CRACR2A: variants seen among roughly 807,000 people sequenced by gnomAD.
CRACR2A encodes calcium release activated channel regulator 2A.
CRACR2A carries 79 observed loss-of-function variants against 90.5 expected under a neutral mutation model. The ratio of observed to expected loss-of-function variants is 0.87; its 90% CI spans 0.73 to 1.05. CRACR2A has a LOEUF of 1.05. Ranked by LOEUF, CRACR2A falls within the 50% of genes least tolerant of loss-of-function variation. CRACR2A has a pLI of 0.00. For missense variants in CRACR2A, 823 were observed against 897.2 expected (o/e 0.92, Z 1.06); for synonymous variants, 338 against 356.7 (o/e 0.95, Z 0.59).
chr12:3,713,390 A>T, intron 2 of CRACR2A, 73 bp from the exon 3 acceptor site: 3 of 835,912 alleles, frequency 3.6e-6, no homozygotes, highest in Non-Finnish European at 4.3e-6. Flanking sequence ...CTTTATAGCA[A>T]TTTTGGAAAA....
chr12:3,701,454 A>T (rs1199668298), intron 3 of CRACR2A, among the ~76,000 whole-genome samples: 2 of 152,194 alleles, frequency 1.3e-5, no homozygotes, highest in Non-Finnish European at 2.9e-5. Flanking sequence ...GAGACAAGAC[A>T]CAAATTACAA....
At chr12:3,671,390 A>C (rs539988889) in intron 7 of CRACR2A, among the ~76,000 whole-genome samples, 2 of 152,262 alleles carry the variant, frequency 1.3e-5, no homozygotes, top group South Asian at 4.2e-4. Flanking sequence ...TAGATAGGAA[A>C]ACCAAGGCTC....
At chr12:3,677,828 G>C (rs1443676690) in intron 6 of CRACR2A, among the ~76,000 whole-genome samples, 1 of 152,274 alleles carries the variant, frequency 6.6e-6, no homozygotes, top group East Asian at 1.9e-4. Flanking sequence ...CCCCCACCAG[G>C]ATCTTCCCCA....
intron 15 of CRACR2A, among the ~76,000 whole-genome samples, chr12:3,627,958 C>T (rs1944297107): frequency 1.3e-5 from 2 of 152,100 alleles, no homozygotes; most frequent in African/African-American, 2.4e-5. Flanking sequence ...CCACTCTGAA[C>T]TGTGGGCTCT....
At chr12:3,647,558 C>A (rs953113423) in intron 11 of CRACR2A, among the ~76,000 whole-genome samples, 1 of 152,112 alleles carries the variant, frequency 6.6e-6, no homozygotes, top group South Asian at 2.1e-4. Flanking sequence ...GAATCAAGAC[C>A]TTCGCGCAAA....
intron 15 of CRACR2A, among the ~76,000 whole-genome samples, chr12:3,629,259 G>A (rs1944335986): frequency 6.6e-6 from 1 of 152,044 alleles, no homozygotes; most frequent in Non-Finnish European, 1.5e-5. Context: ...TGCAATCCCA[G>A]CTCTGAGGCT....
intron 3 of CRACR2A, among the ~76,000 whole-genome samples, chr12:3,705,790 G>C (rs1297856355): frequency 3.3e-5 from 5 of 152,220 alleles, no homozygotes; most frequent in Non-Finnish European, 1.5e-5. Context: ...ACTGGATAAT[G>C]TCGGAATTGA....
At chr12:3,745,782 A>AAAT in intron 1 of CRACR2A, among the ~76,000 whole-genome samples, 2 of 14,316 alleles carry the variant, frequency 1.4e-4, no homozygotes, top group African/African-American at 1.8e-4. Flanking sequence ...TCGTCTCAAA[A>AAAT]AATAAAATAA....
chr12:3,694,231 A>G (rs1399259806), intron 4 of CRACR2A, among the ~76,000 whole-genome samples: 1 of 152,150 alleles, frequency 6.6e-6, no homozygotes, highest in Admixed American at 6.5e-5. Context: ...CTAGTTGGCC[A>G]TGTTGGCCAG....
chr12:3,735,773 G>A (rs948470909), intron 1 of CRACR2A, among the ~76,000 whole-genome samples: 2 of 152,178 alleles, frequency 1.3e-5, no homozygotes, highest in Admixed American at 6.5e-5. Context: ...GCAGCCCCTG[G>A]AAACTTGTTA....
intron 14 of CRACR2A, among the ~76,000 whole-genome samples, 169 bp downstream of exon 14, chr12:3,637,955 T>C (rs1454086223): frequency 1.3e-5 from 2 of 152,196 alleles, no homozygotes; most frequent in Admixed American, 6.5e-5. Flanking sequence ...TCTCCCCGCA[T>C]GACACTCAGC....
chr12:3,684,647 A>T (rs1462665614), intron 4 of CRACR2A, among the ~76,000 whole-genome samples: 1 of 152,240 alleles, frequency 6.6e-6, no homozygotes, highest in Non-Finnish European at 1.5e-5. Context: ...GTGAGTCAGC[A>T]AGTTTAGAGT....
chr12:3,666,364 T>TGTGTGTGTGTGTGTGC (rs765943563), intron 7 of CRACR2A, among the ~76,000 whole-genome samples: 5 of 149,498 alleles, frequency 3.3e-5, no homozygotes, highest in African/African-American at 1.0e-4. Context: ...TGCGTGCGTG[T>TGTGTGTGTGTGTGTGC]GCGCGTGCGC....
intron 12 of CRACR2A, 80 bp from the exon 13 acceptor site, chr12:3,641,918 T>C: frequency 8.0e-7 from 1 of 1,245,690 alleles, no homozygotes; most frequent in African/African-American, 1.5e-5. Context: ...GGTTCCCACC[T>C]CATAGACTAG....
intron 3 of CRACR2A, among the ~76,000 whole-genome samples, chr12:3,703,084 T>C (rs780156301): frequency 2.6e-5 from 4 of 152,218 alleles, no homozygotes; most frequent in Non-Finnish European, 4.4e-5. Flanking sequence ...GAATATCCAT[T>C]TGCAAAAACA....
chr12:3,740,428 C>T (rs1002005187), intron 1 of CRACR2A, among the ~76,000 whole-genome samples: 11 of 152,186 alleles, frequency 7.2e-5, no homozygotes, highest in East Asian at 1.9e-4. Flanking sequence ...CTAAGTTCTA[C>T]GTCCTGGGGT....
intron 17 of CRACR2A, 92 bp from the exon 18 acceptor site, chr12:3,619,464 G>T (rs1356363588): frequency 2.1e-6 from 2 of 956,962 alleles, no homozygotes; most frequent in East Asian, 2.6e-5. Context: ...ATGGGACCTC[G>T]CTTGAGAATC....
chr12:3,738,019 C>T (rs924128668), intron 1 of CRACR2A, among the ~76,000 whole-genome samples: 2 of 152,226 alleles, frequency 1.3e-5, no homozygotes, highest in Non-Finnish European at 2.9e-5. Context: ...AGCCCCATGG[C>T]GAGTGGCTTC....
At chr12:3,629,649 G>C (rs958121620) in intron 15 of CRACR2A, among the ~76,000 whole-genome samples, 2 of 152,218 alleles carry the variant, frequency 1.3e-5, no homozygotes, top group Non-Finnish European at 2.9e-5. Flanking sequence ...TGCTTTGCTG[G>C]AGGACAGGCA....
Sources: gnomAD v4.1 joint callset for allele counts (sites outside exome capture counted in the v4.1 genomes callset) on GRCh38, gnomAD v4.1.1 for gene constraint, MANE v1.5 for transcripts, NCBI Gene and HGNC (gene_info 2026-07-23, HGNC 2026-07-21) for gene names.